ENOX1: variants seen among roughly 807,000 people sequenced by gnomAD.
ENOX1 encodes the protein ecto-NOX disulfide-thiol exchanger 1, also known as candidate growth-related and time keeping constitutive hydroquinone (NADH) oxidase.
A neutral mutation model predicts 82.5 loss-of-function variants in ENOX1; 42 were observed. The ratio of observed to expected loss-of-function variants is 0.51; its 90% confidence interval spans 0.40 to 0.66. The LOEUF is 0.66. Among genes scored for constraint, ENOX1 ranks in the 30% least tolerant of loss-of-function variants. The pLI, the probability that ENOX1 is intolerant of heterozygous loss-of-function variation, is 0.00. For missense variants in ENOX1, 608 were observed against 811.6 expected, an observed-to-expected ratio of 0.75 and a Z score of 3.05; for synonymous variants, 271 against 282.2, an observed-to-expected ratio of 0.96 and a Z score of 0.40.
intron 2 of ENOX1, among the ~76,000 whole-genome samples, chr13:43,566,167 G>A (rs1166822752): frequency 6.6e-6 from 1 of 152,076 alleles, no homozygotes; most frequent in East Asian, 1.9e-4. Context: ...AGTTGCTCTG[G>A]GGATGTTAGT....
At chr13:43,416,976 G>C in intron 3 of ENOX1, among the ~76,000 whole-genome samples, 1 of 152,302 alleles carries the variant, frequency 6.6e-6, no homozygotes, top group Non-Finnish European at 1.5e-5. Context: ...CGGGAGGCCG[G>C]GGCGGGCAGA....
chr13:43,425,875 A>G (rs921999304), intron 3 of ENOX1, among the ~76,000 whole-genome samples: 1 of 152,232 alleles, frequency 6.6e-6, no homozygotes, highest in African/African-American at 2.4e-5. Flanking sequence ...AGTGTGCACC[A>G]TTATGGAGAA....
At chr13:43,558,895 T>C (rs2079552227) in intron 2 of ENOX1, among the ~76,000 whole-genome samples, 1 of 152,198 alleles carries the variant, frequency 6.6e-6, no homozygotes, top group African/African-American at 2.4e-5. Flanking sequence ...TGTCACTGAA[T>C]CCTCTACTTA....
Position 43,412,970 on chromosome 13 carries a change from C to T in ENOX1, c.-56G>A, listed in dbSNP as rs969670044. 7.2e-5 allele frequency: 115 copies of T among 1,597,930 alleles called. 1 individual carries two copies. In the African/African-American group the frequency reaches 1.3e-3, roughly 18 times the overall value. On this transcript the variant is annotated 5_prime_UTR_variant, in exon 4 of 17. Transcript: ENST00000690772. ...ACTTTGATGGCTGAGTGCAGGGTCC[C>T]CTCGGAGGTCATCAGATTCTGCAAA...
chr13:43,639,941 A>G (rs2083566395), intron 2 of ENOX1, among the ~76,000 whole-genome samples: 1 of 152,148 alleles, frequency 6.6e-6, no homozygotes. Context: ...AGGCATGAGA[A>G]TCACTTGAAC....
intron 10 of ENOX1, among the ~76,000 whole-genome samples, chr13:43,325,458 T>G (rs2048056564): frequency 6.6e-6 from 1 of 152,242 alleles, no homozygotes; most frequent in East Asian, 1.9e-4. Context: ...TCAACTGTAA[T>G]TTAGCATTAG....
intron 2 of ENOX1, among the ~76,000 whole-genome samples, chr13:43,491,934 C>T (rs978576903): frequency 1.3e-5 from 2 of 152,180 alleles, no homozygotes; most frequent in Non-Finnish European, 2.9e-5. Context: ...AATCTCAAAA[C>T]AGACTATTTC....
chr13:43,562,998 A>C (rs2079750361), intron 2 of ENOX1, among the ~76,000 whole-genome samples: 1 of 152,152 alleles, frequency 6.6e-6, no homozygotes, highest in South Asian at 2.1e-4. Flanking sequence ...AAATCAACAA[A>C]GAAACATCAG....
chr13:43,468,815 G>A (rs1341166533), intron 3 of ENOX1, among the ~76,000 whole-genome samples: 2 of 152,116 alleles, frequency 1.3e-5, no homozygotes, highest in African/African-American at 4.8e-5. Flanking sequence ...CAGCGTGCAT[G>A]TCTTACACTG....
intron 2 of ENOX1, among the ~76,000 whole-genome samples, chr13:43,570,068 A>C (rs574937662): frequency 6.6e-6 from 1 of 152,216 alleles, no homozygotes; most frequent in African/African-American, 2.4e-5. Flanking sequence ...GACACATTCA[A>C]TATAACTGAG....
At chr13:43,755,219 C>T (rs1311685594) in intron 1 of ENOX1, among the ~76,000 whole-genome samples, 2 of 152,180 alleles carry the variant, frequency 1.3e-5, no homozygotes, top group Admixed American at 1.3e-4. Flanking sequence ...TTTACAGCTT[C>T]CTCCACATCT....
rs548150314 is a variant in ENOX1, at chr13:43,385,832, T to C, written c.209-24380A>G. Among the ~76,000 whole-genome samples the C allele has an allele frequency of 3.8e-4, 58 of 152,328 alleles. No homozygotes were observed. The South Asian group carries it at 0.012, about 32-fold the overall frequency. On this transcript the variant is annotated intron_variant, in intron 5 of 16. Coordinates refer to ENST00000690772, the MANE Select transcript of ENOX1 (RefSeq NM_001347969.2). The stretch of plus-strand genomic sequence containing the variant: ...ATGACAATTTTTGCTCATTTATACC[T>C]TTGTGTATTCAAATTTTTATAATAA...
intron 3 of ENOX1, among the ~76,000 whole-genome samples, chr13:43,417,718 T>G (rs2054711238): frequency 6.6e-6 from 1 of 152,204 alleles, no homozygotes. Context: ...TAGGTGATAA[T>G]TATTACTATT....
chr13:43,637,245 T>C (rs1330228567), intron 2 of ENOX1, among the ~76,000 whole-genome samples: 1 of 152,182 alleles, frequency 6.6e-6, no homozygotes, highest in Admixed American at 6.5e-5. Flanking sequence ...ATAGCTTAGA[T>C]TTAGTCAGAA....
chr13:43,771,185 CGG>C (rs1951576192), intron 1 of ENOX1, among the ~76,000 whole-genome samples: 1 of 152,086 alleles, frequency 6.6e-6, no homozygotes, highest in South Asian at 2.1e-4. Flanking sequence ...GAATCCAAGG[CGG>C]GAGGGCAGAG....
At chr13:43,421,448 G>C (rs1210088913) in intron 3 of ENOX1, among the ~76,000 whole-genome samples, 6 of 152,090 alleles carry the variant, frequency 3.9e-5, no homozygotes, top group Non-Finnish European at 5.9e-5. Flanking sequence ...TCTTGACTTG[G>C]AGTTACATCC....
intron 3 of ENOX1, among the ~76,000 whole-genome samples, chr13:43,425,911 AAT>A (rs1491026297): frequency 6.6e-6 from 1 of 152,224 alleles, no homozygotes; most frequent in African/African-American, 2.4e-5. Flanking sequence ...AAATGAAAGA[AAT>A]AACTTGCAGG....
chr13:43,715,587 G>A (rs879019026), intron 1 of ENOX1, among the ~76,000 whole-genome samples: 13 of 152,104 alleles, frequency 8.5e-5, no homozygotes, highest in Non-Finnish European at 1.5e-4. Context: ...CATTCTCCCC[G>A]TCACTTTCAG....
rs71099830 is a variant in ENOX1, at chr13:43,338,676, GTTTTTTT to G, written c.1036+5855_1036+5861del. The stretch of plus-strand genomic sequence containing the variant: ...CCATACTCCCCAAAATTCAGGTTGG[GTTTTTTT>G]TTTTTTTTTTTTTTTTTTTTGAGAT... On this transcript the variant is annotated intron_variant, in intron 9 of 16. Coordinates refer to ENST00000690772, the MANE Select transcript of ENOX1 (RefSeq NM_001347969.2). Among the ~76,000 whole-genome samples, 64 of 81,268 alleles carry G rather than the reference GTTTTTTT, an allele frequency of 7.9e-4. 1 individual carries two copies. Among genetic ancestry groups the G allele is most frequent in the Admixed American group, 1.4e-3 (10 of 7,366 alleles). 53.3% of individuals were successfully genotyped at this position (81,268 alleles called of 152,430 possible). A position where few individuals can be genotyped will look rare whatever the true frequency, so the allele number is the denominator to read the frequency against.
Sources: allele counts gnomAD v4.1 joint callset (sites outside exome capture counted in the v4.1 genomes callset), GRCh38; gene constraint gnomAD v4.1.1; transcripts MANE v1.5; gene names NCBI Gene and HGNC (gene_info 2026-07-23, HGNC 2026-07-21).